The following PALS2 variants were observed in gnomAD, a reference collection of about 807,000 sequenced individuals.
PALS2 encodes the protein protein associated with LIN7 2, MAGUK p55 family member.
Under a neutral mutation model 61.6 loss-of-function variants are expected in PALS2, and 27 were observed. The observed-to-expected ratio is 0.44, with a 90% confidence interval of 0.32 to 0.60. The LOEUF (loss-of-function observed/expected upper bound fraction) is 0.60. Among genes scored for constraint, PALS2 ranks in the 20% least tolerant of loss-of-function variants. The pLI is 0.05. For synonymous variants in PALS2, 236 were observed against 218.6 expected (o/e 1.08, Z -0.70); for missense variants, 554 against 639.4 (o/e 0.87, Z 1.44).
intron 3 of PALS2, among the ~76,000 whole-genome samples, chr7:24,643,869 A>T (rs1327591341): frequency 1.3e-5 from 2 of 152,160 alleles, no homozygotes; most frequent in Non-Finnish European, 1.5e-5. Flanking sequence ...ACGATGCAAC[A>T]TGAATTAAAC....
At chr7:24,576,416 A>G (rs145106253) in intron 1 of PALS2, among the ~76,000 whole-genome samples, 144 of 152,292 alleles carry the variant, frequency 9.5e-4, no homozygotes, top group African/African-American at 3.3e-3. Context: ...AATCCTGGGC[A>G]CTTTGTCAAA....
At chr7:24,584,735 C>T (rs536781489) in intron 1 of PALS2, among the ~76,000 whole-genome samples, 1 of 152,038 alleles carries the variant, frequency 6.6e-6, no homozygotes, top group East Asian at 1.9e-4. Flanking sequence ...GAAGTGCTTG[C>T]CCATGCCTAT....
At chr7:24,631,756 A>T (rs1361804854) in intron 2 of PALS2, among the ~76,000 whole-genome samples, 3 of 152,244 alleles carry the variant, frequency 2.0e-5, no homozygotes, top group Admixed American at 6.5e-5. Flanking sequence ...AGCCATCAGC[A>T]TCAAGACAAG....
chr7:24,575,960 ATTT>A (rs941015778), intron 1 of PALS2, among the ~76,000 whole-genome samples: 1 of 148,266 alleles, frequency 6.7e-6, no homozygotes, highest in African/African-American at 2.5e-5. Flanking sequence ...GAGTGACTAG[ATTT>A]TTTTTTTTTA....
At chr7:24,678,782 T>TA (rs1787760937) in intron 9 of PALS2, among the ~76,000 whole-genome samples, 2 of 152,200 alleles carry the variant, frequency 1.3e-5, no homozygotes, top group South Asian at 4.1e-4. Context: ...TATTTTTGGA[T>TA]ACAAATTTTA....
chr7:24,666,491 C>G (rs1028992451), intron 8 of PALS2, among the ~76,000 whole-genome samples: 1 of 152,052 alleles, frequency 6.6e-6, no homozygotes. Flanking sequence ...TAACACTGAC[C>G]ATGATAGTTT....
chr7:24,628,666 G>A (rs181815690), intron 2 of PALS2, among the ~76,000 whole-genome samples: 32 of 152,176 alleles, frequency 2.1e-4, no homozygotes, highest in African/African-American at 3.1e-4. Context: ...CAAAATCAGC[G>A]CGCAAAAATC....
chr7:24,614,568 A>AACAGGCTAAATCAATTATAAATGC (rs1784225090), intron 1 of PALS2, among the ~76,000 whole-genome samples: 1 of 151,960 alleles, frequency 6.6e-6, no homozygotes, highest in African/African-American at 2.4e-5. Context: ...AAATGCACAC[A>AACAGGCTAAATCAATTATAAATGC]ACCCTGGAGC....
chr7:24,648,585 C>T (rs117035359), intron 3 of PALS2, among the ~76,000 whole-genome samples: 9,611 of 151,584 alleles, frequency 0.063, 355 homozygotes, highest in African/African-American at 0.093. Context: ...TGAGCCACCG[C>T]GCCTGCCCTA....
At chr7:24,623,615 T>G (rs746908224) in intron 1 of PALS2, 51 bp from the exon 2 acceptor site, 159 of 1,153,980 alleles carry the variant, frequency 1.4e-4, no homozygotes, top group Non-Finnish European at 1.8e-4. Context: ...ATTTAAGGGT[T>G]TTTGTTTGTT....
intron 1 of PALS2, among the ~76,000 whole-genome samples, chr7:24,576,473 A>G (rs1290320234): frequency 2.0e-5 from 3 of 152,242 alleles, no homozygotes; most frequent in East Asian, 1.9e-4. Flanking sequence ...GCAAGTCTCA[A>G]TCAAGGTGTT....
chr7:24,645,953 T>C (rs1213169192), intron 3 of PALS2, among the ~76,000 whole-genome samples: 5 of 152,210 alleles, frequency 3.3e-5, no homozygotes, highest in Non-Finnish European at 7.4e-5. Context: ...CTAGTGATTT[T>C]TGTACATTGA....
At chr7:24,588,026 G>T (rs997667152) in intron 1 of PALS2, among the ~76,000 whole-genome samples, 8 of 152,092 alleles carry the variant, frequency 5.3e-5, no homozygotes, top group African/African-American at 1.9e-4. Context: ...CACACCTGGG[G>T]TGGGGTGCTA....
At chr7:24,603,932 T>C (rs2128048630) in intron 1 of PALS2, among the ~76,000 whole-genome samples, 1 of 152,044 alleles carries the variant, frequency 6.6e-6, no homozygotes, top group South Asian at 2.1e-4. Flanking sequence ...AGAAAAGAAA[T>C]ACCAGGAAAA....
chr7:24,675,186 A>G (rs547436431), intron 9 of PALS2, among the ~76,000 whole-genome samples: 2 of 152,296 alleles, frequency 1.3e-5, no homozygotes, highest in African/African-American at 4.8e-5. Flanking sequence ...GCATGGAGGT[A>G]GAGGTAATAC....
intron 1 of PALS2, among the ~76,000 whole-genome samples, chr7:24,617,274 A>T (rs1007026407): frequency 6.6e-6 from 1 of 150,574 alleles, no homozygotes; most frequent in Non-Finnish European, 1.5e-5. Flanking sequence ...TCATTCAAAC[A>T]ATGAATCATT....
Position 24,691,385 on chromosome 7 carries a change from A to ATGTGTGTGTGTGTG in PALS2, c.*3774_*3775insGTGTGTGTGTGTGT, listed in dbSNP as rs1306601413. ...TTAAATGTTCGAGTTGCCATATATT[A>ATGTGTGTGTGTGTG]TGTATGTGTGTGTGTGTGTGTATAT... On this transcript the variant is annotated 3_prime_UTR_variant, in exon 12 of 12. Transcript: ENST00000222644. 12 of 56,996 alleles carry ATGTGTGTGTGTGTG rather than the reference A, an allele frequency of 2.1e-4. No individual in the cohort carries two copies. The highest frequency in any genetic ancestry group is 3.1e-4 in the Non-Finnish European group (11 of 35,722). The allele number at this position is 56,996 out of a possible 1,614,324, so 3.5% of individuals were successfully genotyped here.
intron 1 of PALS2, among the ~76,000 whole-genome samples, chr7:24,594,575 G>A (rs963727932): frequency 2.0e-5 from 3 of 152,094 alleles, no homozygotes; most frequent in South Asian, 2.1e-4. Flanking sequence ...TTTCAATATC[G>A]TTATGTCTCA....
chr7:24,632,577 A>G (rs1424001393), intron 2 of PALS2, among the ~76,000 whole-genome samples: 2 of 151,890 alleles, frequency 1.3e-5, no homozygotes, highest in African/African-American at 2.4e-5. Flanking sequence ...TTCAGTAGTG[A>G]CTGGTTTCAC....
Sources: allele counts gnomAD v4.1 joint callset (sites outside exome capture counted in the v4.1 genomes callset), GRCh38; gene constraint gnomAD v4.1.1; transcripts MANE v1.5; gene names NCBI Gene and HGNC (gene_info 2026-07-23, HGNC 2026-07-21).